Variants in CSNK2A2 observed in about 807,000 individuals in gnomAD.
The protein encoded by CSNK2A2 is casein kinase 2 alpha 2.
In CSNK2A2, 8 loss-of-function variants were observed where a neutral mutation model predicts 54.0. The ratio of observed to expected loss-of-function variants is 0.15; its 90% CI spans 0.09 to 0.27. The LOEUF (loss-of-function observed/expected upper bound fraction) is 0.27, where lower values mean the gene tolerates loss of function less well. Ranked by LOEUF, CSNK2A2 falls within the 10% of genes least tolerant of loss-of-function variation. The pLI is 1.00. For synonymous variants in CSNK2A2, 141 were observed against 153.9 expected (o/e 0.92, Z 0.62); for missense variants, 242 against 439.4 (o/e 0.55, Z 4.02).
At chr16:58,172,491 C>T (rs1004784429) in intron 5 of CSNK2A2, among the ~76,000 whole-genome samples, 6 of 152,184 alleles carry the variant, frequency 3.9e-5, no homozygotes, top group Non-Finnish European at 5.9e-5. Context: ...ATTTAGTCTT[C>T]CCCACTCCTG....
At chr16:58,191,686 A>ATT (rs11406995) in intron 2 of CSNK2A2, among the ~76,000 whole-genome samples, 5 of 151,482 alleles carry the variant, frequency 3.3e-5, no homozygotes, top group African/African-American at 1.2e-4. Flanking sequence ...TTTTAACACA[A>ATT]TTTTTTTTTA....
chr16:58,193,248 T>C (rs1238164186), intron 2 of CSNK2A2, among the ~76,000 whole-genome samples: 2 of 152,164 alleles, frequency 1.3e-5, no homozygotes, highest in African/African-American at 2.4e-5. Flanking sequence ...CATTCTGATA[T>C]AATATAAAGA....
intron 9 of CSNK2A2, among the ~76,000 whole-genome samples, chr16:58,166,060 G>T (rs893225452): frequency 6.6e-6 from 1 of 152,202 alleles, no homozygotes; most frequent in African/African-American, 2.4e-5. Context: ...GCTAGCCTCA[G>T]AAACAGGGAG....
At chr16:58,162,602 A>T (rs1961416443) in intron 11 of CSNK2A2, 1 of 152,228 alleles carries the variant, frequency 6.6e-6, no homozygotes, top group Non-Finnish European at 1.5e-5. Flanking sequence ...ATAAAAATGT[A>T]TGGCATTATT....
At chr16:58,163,207 C>T (rs1415068172) in intron 11 of CSNK2A2, 1 of 122,998 alleles carries the variant, frequency 8.1e-6, no homozygotes, top group Admixed American at 1.0e-4. Context: ...TAGGCGCACA[C>T]ATAGGGATGT....
At chr16:58,192,445 G>A (rs1409852376) in intron 2 of CSNK2A2, among the ~76,000 whole-genome samples, 2 of 136,662 alleles carry the variant, frequency 1.5e-5, no homozygotes, top group Admixed American at 1.5e-4. Context: ...AACTCTATGG[G>A]TTAAAAAAAA....
chr16:58,169,102 A>AT (rs35348144), intron 5 of CSNK2A2, among the ~76,000 whole-genome samples: 35,425 of 151,708 alleles, frequency 0.23, 4,679 homozygotes, highest in African/African-American at 0.33. Flanking sequence ...AATTTTCTGT[A>AT]TTTTTAGTAG....
At chr16:58,187,977 A>G (rs1318585564) in intron 2 of CSNK2A2, among the ~76,000 whole-genome samples, 1 of 151,696 alleles carries the variant, frequency 6.6e-6, no homozygotes, top group East Asian at 2.0e-4. Context: ...GCAGAGGCAA[A>G]GAGAGGCCAA....
intron 2 of CSNK2A2, among the ~76,000 whole-genome samples, chr16:58,195,361 G>A (rs973701355): frequency 1.3e-5 from 2 of 152,152 alleles, no homozygotes; most frequent in Non-Finnish European, 2.9e-5. Flanking sequence ...AGGCTAGGAT[G>A]TTTTGAGTGA....
At position 58,172,421 on chromosome 16, in the gene CSNK2A2, C is replaced by T. The variant is rs184690968; in HGVS notation, c.429+2030G>A. 2.6e-3 allele frequency among the ~76,000 whole-genome samples: 403 copies of T among 152,216 alleles called. 1 individual carries two copies. Among genetic ancestry groups the T allele is most frequent in the African/African-American group, 9.1e-3 (378 of 41,518 alleles). ...GAATCAGGAGATCAGGTTAAGTCAC[C>T]GAGTCATCACACTGCAGCCCTCAGC... On this transcript the variant is annotated intron_variant, in intron 5 of 11. Coordinates refer to ENST00000262506, the MANE Select transcript of CSNK2A2 (RefSeq NM_001896.4).
Position 58,197,615 on chromosome 16 carries a change from G to A in CSNK2A2, c.104+18C>T. On this transcript the variant is annotated intron_variant, in intron 1 of 11. Coordinates refer to ENST00000262506, the MANE Select transcript of CSNK2A2 (RefSeq NM_001896.4). This position sits in a 1 kb window ranked among gnomAD's most constrained non-coding sequence, Gnocchi z 4.0. ...GGCAGGGATCAGCGGGCCCGGCGGG[G>A]GGCGGCGACGGCTTTACCCCCAGCT... The A allele has an allele frequency of 3.3e-6, 5 of 1,527,948 alleles. No individual in the cohort carries two copies. The highest frequency in any genetic ancestry group is 4.4e-6 in the Non-Finnish European group (5 of 1,131,776). The allele number at this position is 1,527,948 out of a possible 1,614,324, so 94.6% of individuals were successfully genotyped here.
chr16:58,197,749 C>T lies in CSNK2A2; in HGVS notation c.-13G>A, dbSNP rs767440788. 178 of 1,193,240 alleles carry T rather than the reference C, an allele frequency of 1.5e-4. No homozygotes were observed. Among genetic ancestry groups the T allele is most frequent in the Non-Finnish European group, 1.8e-4 (173 of 941,134 alleles). 73.9% of individuals were successfully genotyped at this position (1,193,240 alleles called of 1,614,324 possible). On this transcript the variant is annotated 5_prime_UTR_variant, in exon 1 of 12. Transcript: ENST00000262506. This position sits in a 1 kb window ranked among gnomAD's most constrained non-coding sequence, Gnocchi z 4.0. Reference sequence around the variant, plus strand: ...CCGGGCCGGGCATGGCGGGCGGGACCGGGGGGCGGCGCGGGGCGCAGAGGG... The same window carrying T: ...CCGGGCCGGGCATGGCGGGCGGGACTGGGGGGCGGCGCGGGGCGCAGAGGG...
chr16:58,184,769 C>T (rs1567471217), intron 3 of CSNK2A2, among the ~76,000 whole-genome samples: 1 of 152,186 alleles, frequency 6.6e-6, no homozygotes, highest in African/African-American at 2.4e-5. Flanking sequence ...GACACATTTT[C>T]ATCTTAGTTT....
chr16:58,176,706 C>G (rs1316464155), intron 4 of CSNK2A2, among the ~76,000 whole-genome samples: 1 of 152,214 alleles, frequency 6.6e-6, no homozygotes, highest in Non-Finnish European at 1.5e-5. Context: ...AAGCCAAAAC[C>G]AACCTGTCTG....
intron 10 of CSNK2A2, among the ~76,000 whole-genome samples, chr16:58,164,939 G>C (rs1399798049): frequency 6.6e-6 from 1 of 152,236 alleles, no homozygotes; most frequent in Non-Finnish European, 1.5e-5. Flanking sequence ...ACTGAGGTAA[G>C]TCTCTCAACC....
rs1567472996 is a variant in CSNK2A2, at chr16:58,190,130, AAG to A, written c.217-3276_217-3275del. Among the ~76,000 whole-genome samples the A allele has an allele frequency of 6.6e-4, 100 of 152,264 alleles. 2 individuals are homozygous for A. The South Asian group carries it at 0.019, about 28-fold the overall frequency. ...ACAGTTTCACTCTGCATGCTAGAAG[AAG>A]TCTCCGTCTGGGGTTCATTTATTCC... On this transcript the variant is annotated intron_variant, in intron 2 of 11. Transcript: ENST00000262506.
intron 2 of CSNK2A2, among the ~76,000 whole-genome samples, chr16:58,191,551 C>T (rs1183920793): frequency 4.6e-5 from 7 of 151,948 alleles, no homozygotes; most frequent in African/African-American, 1.2e-4. Context: ...TTAGTAGAGA[C>T]GGAGTTTCAC....
At chr16:58,185,795 G>A (rs1962177861) in intron 3 of CSNK2A2, among the ~76,000 whole-genome samples, 1 of 152,236 alleles carries the variant, frequency 6.6e-6, no homozygotes, top group South Asian at 2.1e-4. Context: ...GTAATCTTGA[G>A]TGAATTTTTT....
chr16:58,190,309 A>AT (rs1962295359), intron 2 of CSNK2A2, among the ~76,000 whole-genome samples: 1 of 152,308 alleles, frequency 6.6e-6, no homozygotes, highest in East Asian at 1.9e-4. Flanking sequence ...AGGCAGGAAC[A>AT]TATCTACAGC....
Sources: gnomAD v4.1 joint callset for allele counts (sites outside exome capture counted in the v4.1 genomes callset) on GRCh38, gnomAD v4.1.1 for gene constraint, Gnocchi (gnomAD v3.1) non-coding constraint, MANE v1.5 for transcripts, NCBI Gene and HGNC (gene_info 2026-07-23, HGNC 2026-07-21) for gene names.